CADM1: variants seen among roughly 807,000 people sequenced by gnomAD.
The protein encoded by CADM1 is cell adhesion molecule 1.
In CADM1, 15 loss-of-function variants were observed where a neutral mutation model predicts 53.1. The observed-to-expected ratio is 0.28, with a 90% CI of 0.19 to 0.44. CADM1 has a LOEUF of 0.44. Ranked by LOEUF, CADM1 falls within the 20% of genes least tolerant of loss-of-function variation. The probability of loss-of-function intolerance (pLI) is 1.00; values close to 1 mark genes in which losing one functional copy is unlikely to be tolerated. For synonymous variants in CADM1, 281 were observed against 243.0 expected, an observed-to-expected ratio of 1.16 and a Z score of -1.45; for missense variants, 434 against 611.3, an observed-to-expected ratio of 0.71 and a Z score of 3.06.
intron 1 of CADM1, among the ~76,000 whole-genome samples, chr11:115,351,318 A>C (rs1945730785): frequency 6.6e-6 from 1 of 152,178 alleles, no homozygotes; most frequent in Non-Finnish European, 1.5e-5. Flanking sequence ...TCATGCTCTA[A>C]ATCAGATGAT....
chr11:115,179,492 G>T (rs755333729), intron 10 of CADM1, among the ~76,000 whole-genome samples: 8 of 152,120 alleles, frequency 5.3e-5, no homozygotes, highest in Non-Finnish European at 1.0e-4. Flanking sequence ...GTCTTCTTCT[G>T]ACTGAGGAAC....
chr11:115,488,088 G>A (rs187541761), intron 1 of CADM1, among the ~76,000 whole-genome samples: 86 of 150,524 alleles, frequency 5.7e-4, no homozygotes, highest in African/African-American at 1.9e-3. Flanking sequence ...TAGAAATCAA[G>A]GAAGACATAG....
chr11:115,441,450 T>C (rs1341227326), intron 1 of CADM1, among the ~76,000 whole-genome samples: 2 of 152,206 alleles, frequency 1.3e-5, no homozygotes, highest in Non-Finnish European at 2.9e-5. Flanking sequence ...ATGATAACTG[T>C]AACTCCTATG....
At chr11:115,451,455 G>C (rs189430396) in intron 1 of CADM1, among the ~76,000 whole-genome samples, 68 of 152,300 alleles carry the variant, frequency 4.5e-4, no homozygotes, top group African/African-American at 1.4e-3. Flanking sequence ...TCCTACATTT[G>C]CTGAGGGCTC....
intron 9 of CADM1, among the ~76,000 whole-genome samples, chr11:115,196,587 T>C (rs919964751): frequency 1.3e-4 from 12 of 93,680 alleles, no homozygotes; most frequent in Non-Finnish European, 1.8e-4. Flanking sequence ...CAATGATAGC[T>C]GATGAACTAA....
chr11:115,221,348 G>C (rs759910668), intron 5 of CADM1, among the ~76,000 whole-genome samples: 5 of 152,102 alleles, frequency 3.3e-5, no homozygotes, highest in Non-Finnish European at 7.4e-5. Context: ...AAGACATTTA[G>C]CAAGACTGCT....
intron 6 of CADM1, among the ~76,000 whole-genome samples, chr11:115,216,547 A>G (rs956124675): frequency 7.2e-5 from 11 of 152,240 alleles, no homozygotes; most frequent in African/African-American, 2.7e-4. Context: ...TGTTTACAAA[A>G]AGAAAGATCT....
intron 1 of CADM1, among the ~76,000 whole-genome samples, chr11:115,375,789 AT>A (rs1412581027): frequency 2.0e-5 from 3 of 152,122 alleles, no homozygotes; most frequent in African/African-American, 7.2e-5. Flanking sequence ...TGAAATATCT[AT>A]CATATGCCAC....
At position 115,484,467 on chromosome 11, in the gene CADM1, T is replaced by C. The variant is rs574026653; in HGVS notation, c.124+19804A>G. 2.8e-4 allele frequency among the ~76,000 whole-genome samples: 43 copies of C among 152,320 alleles called. No homozygotes were observed. The South Asian group carries it at 7.5e-3, about 26-fold the overall frequency. ...ATGCTTAAGCCTGCCAAAGCTGCCATTGGTCATGTGAAATACAAGGATAGT... is the reference window on the plus strand; with the variant it reads ...ATGCTTAAGCCTGCCAAAGCTGCCACTGGTCATGTGAAATACAAGGATAGT... On this transcript the variant is annotated intron_variant, in intron 1 of 11. Coordinates refer to ENST00000331581, the MANE Select transcript of CADM1 (RefSeq NM_001301043.2).
intron 1 of CADM1, among the ~76,000 whole-genome samples, chr11:115,498,641 C>A (rs748378982): frequency 6.6e-6 from 1 of 151,826 alleles, no homozygotes; most frequent in African/African-American, 2.4e-5. Flanking sequence ...AGAAGGTCTC[C>A]TCAGTAGAAG....
At chr11:115,485,943 C>T (rs749809768) in intron 1 of CADM1, among the ~76,000 whole-genome samples, 1 of 152,200 alleles carries the variant, frequency 6.6e-6, no homozygotes, top group Non-Finnish European at 1.5e-5. Context: ...AAACCAAGTT[C>T]ATTGCATTCC....
intron 5 of CADM1, among the ~76,000 whole-genome samples, chr11:115,219,108 G>A (rs1348919862): frequency 6.6e-6 from 1 of 152,108 alleles, no homozygotes; most frequent in African/African-American, 2.4e-5. Context: ...GACATCGGTT[G>A]GCTGAAAGGT....
chr11:115,303,084 G>A (rs1253415571), intron 1 of CADM1, among the ~76,000 whole-genome samples: 3 of 152,044 alleles, frequency 2.0e-5, no homozygotes, highest in Non-Finnish European at 2.9e-5. Context: ...CCCCCAAAAG[G>A]GGGGCAACAA....
intron 1 of CADM1, among the ~76,000 whole-genome samples, chr11:115,386,789 T>A (rs1394921140): frequency 1.3e-5 from 2 of 152,232 alleles, no homozygotes; most frequent in African/African-American, 4.8e-5. Context: ...AGTTTCAACA[T>A]GAGTTTTGGA....
chr11:115,324,388 T>A (rs1248228801), intron 1 of CADM1, among the ~76,000 whole-genome samples: 1 of 152,172 alleles, frequency 6.6e-6, no homozygotes, highest in Admixed American at 6.5e-5. Context: ...TTTGGTGCCA[T>A]GCTCTCTCCA....
intron 1 of CADM1, among the ~76,000 whole-genome samples, chr11:115,352,701 C>A (rs1945768165): frequency 6.6e-6 from 1 of 152,098 alleles, no homozygotes; most frequent in Non-Finnish European, 1.5e-5. Flanking sequence ...CAGTGATGGG[C>A]ACTGTTTTTA....
intron 1 of CADM1, among the ~76,000 whole-genome samples, chr11:115,248,434 A>G (rs1372910221): frequency 1.3e-5 from 2 of 152,218 alleles, no homozygotes; most frequent in Non-Finnish European, 2.9e-5. Context: ...GATCCCATAA[A>G]AGGAAGAGGT....
At chr11:115,297,267 G>A (rs1165410678) in intron 1 of CADM1, among the ~76,000 whole-genome samples, 1 of 152,230 alleles carries the variant, frequency 6.6e-6, no homozygotes, top group East Asian at 1.9e-4. Context: ...AAGCAGAGCT[G>A]CACTGACAGA....
In CADM1 at chr11:115,286,921, G is replaced by A. The variant is rs185310212; in HGVS notation, c.125-46501C>T. ...AGAACAACAGAACCTTTCAGCAAAA[G>A]TACATTCGCCTAATTGAAAAGCTAC... On this transcript the variant is annotated intron_variant, in intron 1 of 11. Coordinates refer to ENST00000331581, the MANE Select transcript of CADM1 (RefSeq NM_001301043.2). Among the ~76,000 whole-genome samples the A allele has an allele frequency of 2.1e-3, 315 of 152,276 alleles. 1 individual carries two copies. Among genetic ancestry groups the A allele is most frequent in the African/African-American group, 7.2e-3 (300 of 41,548 alleles).
Sources: allele counts gnomAD v4.1 joint callset (sites outside exome capture counted in the v4.1 genomes callset), GRCh38; gene constraint gnomAD v4.1.1; transcripts MANE v1.5; gene names NCBI Gene and HGNC (gene_info 2026-07-23, HGNC 2026-07-21).